The following LRRK2 variants were observed in gnomAD, a reference collection of about 807,000 sequenced individuals.
The protein encoded by LRRK2 is leucine-rich repeat serine/threonine-protein kinase 2.
LRRK2 carries 203 observed loss-of-function variants against 302.6 expected under a neutral mutation model. That is an observed-to-expected ratio of 0.67 (90% CI 0.60 to 0.75). LRRK2 has a LOEUF of 0.75. LRRK2 is among the 30% of genes least tolerant of loss of function. LRRK2 has a pLI of 0.00. For missense variants in LRRK2, 2,830 were observed against 2,951.0 expected, an observed-to-expected ratio of 0.96 and a Z score of 0.95; for synonymous variants, 1,066 against 1,031.9, an observed-to-expected ratio of 1.03 and a Z score of -0.63.
rs1322501481 is a variant in LRRK2, at chr12:40,274,856, A to G, written c.1804A>G (p.Ile602Val). ...TLQMYPDDQE[I>V]QCLGLSLIGY... Reference sequence around the variant, plus strand: ...ATTCTTTTTTTTTATTTTCCTAGAAATTCAGTGTCTGGGTTTAAGTCTTAT... The same window carrying G: ...ATTCTTTTTTTTTATTTTCCTAGAAGTTCAGTGTCTGGGTTTAAGTCTTAT... The change falls in exon 16 of 51, where the codon ATT becomes GTT. Residue 602 changes from isoleucine to valine, a missense_variant and splice_region_variant. Around this residue, in one of 3 missense-constraint regions of LRRK2, gnomAD observed 2,121 missense variants for 2,148.0 expected, o/e 0.99. Transcript: ENST00000298910. The G allele has an allele frequency of 6.2e-7, 1 of 1,610,828 alleles. No homozygotes were observed. The highest frequency in any genetic ancestry group is 8.5e-7 in the Non-Finnish European group (1 of 1,177,286).
chr12:40,315,698 G>A lies in LRRK2; in HGVS notation c.4827+398G>A, dbSNP rs564452141. Among the ~76,000 whole-genome samples the A allele has an allele frequency of 2.6e-5, 4 of 152,138 alleles. No individual in the cohort carries two copies. In the South Asian group the frequency reaches 8.3e-4, roughly 32 times the overall value. Reference sequence around the variant, plus strand: ...ACCTCTATCTAGATAACATGGAGGTGAGTTTTGACTTAAGTGAAATGATCT... The same window carrying A: ...ACCTCTATCTAGATAACATGGAGGTAAGTTTTGACTTAAGTGAAATGATCT... On this transcript the variant is annotated intron_variant, in intron 33 of 50. Coordinates refer to ENST00000298910, the MANE Select transcript of LRRK2 (RefSeq NM_198578.4).
intron 4 of LRRK2, among the ~76,000 whole-genome samples, chr12:40,237,331 T>A (rs960786289): frequency 6.6e-6 from 1 of 152,016 alleles, no homozygotes; most frequent in Non-Finnish European, 1.5e-5. Flanking sequence ...AATAAACCAG[T>A]TGGATAGAAA....
At chr12:40,230,081 A>T (rs1941107599) in intron 2 of LRRK2, among the ~76,000 whole-genome samples, 1 of 151,272 alleles carries the variant, frequency 6.6e-6, no homozygotes, top group Admixed American at 6.6e-5. Flanking sequence ...TTTCTATGAC[A>T]GCTGGATTGT....
rs1334785870 is a variant in LRRK2, at chr12:40,348,407, A to G, written c.6281-2A>G. The G allele has an allele frequency of 8.2e-6, 13 of 1,587,974 alleles. No individual in the cohort carries two copies. The highest frequency in any genetic ancestry group is 1.8e-4 in the Middle Eastern group (1 of 5,668). ...CTAGCATGATGTTTTTTAATGTTTT[A>G]GATCCAGTTAAAGAATATGGTTGTG... On this transcript the variant is annotated splice_acceptor_variant, in intron 42 of 50. Coordinates refer to ENST00000298910, the MANE Select transcript of LRRK2 (RefSeq NM_198578.4). LOFTEE classifies it high-confidence loss of function.
rs577023342 is a variant in LRRK2 at position 40,340,797 on chromosome 12, G to A, written c.6109+343G>A. ...GTCTAGGTATTGTTGGCACTTGTGA[G>A]GCAAATCAAATTCAGGTCCACAAAT... On this transcript the variant is annotated intron_variant, in intron 41 of 50. Transcript: ENST00000298910. 4.6e-5 allele frequency among the ~76,000 whole-genome samples: 7 copies of A among 152,268 alleles called. No individual in the cohort carries two copies. The South Asian group carries it at 1.0e-3, about 23-fold the overall frequency.
chr12:40,362,671 G>A lies in LRRK2; in HGVS notation c.7029-731G>A, dbSNP rs558322373. Among the ~76,000 whole-genome samples the A allele has an allele frequency of 4.6e-5, 7 of 152,130 alleles. No homozygotes were observed. The South Asian group carries it at 1.2e-3, about 27-fold the overall frequency. ...GTCAGGGAAGAAATCCAGAGGAGCC[G>A]ACATTTAAGTTCATCCTCAAAGGCC... On this transcript the variant is annotated intron_variant, in intron 47 of 50. Transcript: ENST00000298910.
intron 28 of LRRK2, 99 bp downstream of exon 28, chr12:40,306,065 A>ATTTTTCCC: frequency 4.4e-6 from 4 of 904,012 alleles, no homozygotes; most frequent in Non-Finnish European, 6.8e-6. Context: ...TTAGGGAAAA[A>ATTTTTCCC]TAAATAGTAA....
At position 40,312,345 on chromosome 12, in the gene LRRK2, T is replaced by C. The variant is rs1945063206; in HGVS notation, c.4537-1627T>C. The stretch of plus-strand genomic sequence containing the variant: ...GGATGCAGCATTCTGGCATAATGGT[T>C]TGAAAACTCATTTGATTGCTTTGTA... On this transcript the variant is annotated intron_variant, in intron 31 of 50. Transcript: ENST00000298910. Among the ~76,000 whole-genome samples, 4 of 152,156 alleles carry C rather than the reference T, an allele frequency of 2.6e-5. No individual in the cohort carries two copies. The South Asian group carries it at 8.3e-4, about 31-fold the overall frequency.
rs1443987652 is a variant in LRRK2, at chr12:40,278,188, T to A, written c.2168T>A (p.Ile723Asn). 2.5e-6 allele frequency: 4 copies of A among 1,614,002 alleles called. No individual in the cohort carries two copies. The highest frequency in any genetic ancestry group is 3.4e-6 in the Non-Finnish European group (4 of 1,180,010). Residue 723 changes from isoleucine (I) to asparagine (N), a missense_variant, in exon 18 of 51, where the codon ATC becomes AAC. Coordinates refer to ENST00000298910, the MANE Select transcript of LRRK2 (RefSeq NM_198578.4). ...AGAGCGTGTGATCAGAATAACAGCA[T>A]CATGGTTGAATGCTTGCTTCTATTG... ...LERACDQNNS[I>N]MVECLLLLGA...
chr12:40,267,943 G>A (rs1326362993), intron 14 of LRRK2, among the ~76,000 whole-genome samples: 3 of 152,164 alleles, frequency 2.0e-5, no homozygotes, highest in Non-Finnish European at 4.4e-5. Flanking sequence ...GGAGAGCAGA[G>A]TTCCAAATAA....
chr12:40,323,979 C>T (rs1945476602), intron 38 of LRRK2, among the ~76,000 whole-genome samples: 1 of 151,990 alleles, frequency 6.6e-6, no homozygotes. Flanking sequence ...ATCTTGACTT[C>T]CTGCACATGG....
chr12:40,240,279 C>T (rs1451432591), intron 5 of LRRK2, among the ~76,000 whole-genome samples: 5 of 151,992 alleles, frequency 3.3e-5, no homozygotes, highest in Admixed American at 2.0e-4. Flanking sequence ...TAACATAGGC[C>T]GAAACAAAAT....
At chr12:40,309,866 C>T (rs986721043) in intron 30 of LRRK2, among the ~76,000 whole-genome samples, 3 of 152,152 alleles carry the variant, frequency 2.0e-5, no homozygotes, top group Non-Finnish European at 4.4e-5. Context: ...TAATTGGCTG[C>T]ATACATGCTT....
rs7133914 is a variant in LRRK2 at position 40,309,109 on chromosome 12, G to T, written c.4193G>T (p.Arg1398Leu). 4.3e-6 allele frequency: 7 copies of T among 1,613,166 alleles called. No homozygotes were observed. In the African/African-American group the frequency reaches 6.7e-5, roughly 15 times the overall value. ...LVLNVWDFAG[R>L]EEFYSTHPHF... is the part of the protein sequence containing the mutation. ...TTTGTCTCTAATCTTTATTTAGGTC[G>T]TGAGGAATTCTATAGTACTCATCCC... is the stretch of plus-strand genomic sequence containing the variant. Residue 1398 changes from arginine to leucine, a missense_variant, in exon 30 of 51, where the codon CGT becomes CTT. Around this residue, in one of 3 missense-constraint regions of LRRK2, gnomAD observed 2,121 missense variants for 2,148.0 expected, o/e 0.99. Coordinates refer to ENST00000298910, the MANE Select transcript of LRRK2 (RefSeq NM_198578.4).
intron 47 of LRRK2, 66 bp from the exon 48 acceptor site, chr12:40,363,336 T>A: frequency 1.4e-6 from 2 of 1,474,988 alleles, no homozygotes; most frequent in South Asian, 2.3e-5. Flanking sequence ...TATAAGGTTG[T>A]ATTACACGTA....
At chr12:40,243,739 A>C in intron 7 of LRRK2, 58 bp downstream of exon 7, 1 of 1,457,628 alleles carries the variant, frequency 6.9e-7, no homozygotes, top group South Asian at 1.1e-5. Context: ...TACATATAAA[A>C]CATATATATG....
intron 23 of LRRK2, among the ~76,000 whole-genome samples, chr12:40,296,451 C>A (rs1422644212): frequency 1.3e-5 from 2 of 151,944 alleles, no homozygotes; most frequent in Non-Finnish European, 2.9e-5. Flanking sequence ...TAAGCATCAG[C>A]AAAATCCTGT....
At chr12:40,258,027 T>C (rs1942600736) in intron 12 of LRRK2, among the ~76,000 whole-genome samples, 1 of 152,198 alleles carries the variant, frequency 6.6e-6, no homozygotes, top group Non-Finnish European at 1.5e-5. Flanking sequence ...ATTTTGTTCC[T>C]GGTTTTGCCA....
At chr12:40,341,071 C>G (rs1381013771) in intron 41 of LRRK2, among the ~76,000 whole-genome samples, 1 of 152,174 alleles carries the variant, frequency 6.6e-6, no homozygotes. Context: ...TCTTACCTCC[C>G]TTTCTTAGTT....
Sources: allele counts gnomAD v4.1 joint callset (sites outside exome capture counted in the v4.1 genomes callset), GRCh38; gene constraint gnomAD v4.1.1; regional missense constraint gnomAD v4.1.1; transcripts MANE v1.5; gene names NCBI Gene and HGNC (gene_info 2026-07-23, HGNC 2026-07-21).